GRAMD1B: variants seen among roughly 807,000 people sequenced by gnomAD.
GRAMD1B encodes the protein protein Aster-B.
In GRAMD1B, 37 loss-of-function variants were observed where a neutral mutation model predicts 99.7. That is an observed-to-expected ratio of 0.37 (90% confidence interval 0.29 to 0.49). The LOEUF is 0.49. Ranked by LOEUF, GRAMD1B falls within the 20% of genes least tolerant of loss-of-function variation. GRAMD1B has a pLI of 0.98. For missense variants in GRAMD1B, 888 were observed against 1,009.2 expected, an observed-to-expected ratio of 0.88 and a Z score of 1.63; for synonymous variants, 427 against 387.6, an observed-to-expected ratio of 1.10 and a Z score of -1.19.
rs147704286 is a variant in GRAMD1B at position 123,541,953 on chromosome 11, T to C, written c.453-35414T>C. On this transcript the variant is annotated intron_variant, in intron 2 of 19. Transcript: ENST00000635736. The stretch of plus-strand genomic sequence containing the variant: ...TCAATCATGGAATTAGAGGGGACTT[T>C]GACAGTCATGTCCATTTTCCTAGCA... 1.2e-3 allele frequency among the ~76,000 whole-genome samples: 190 copies of C among 152,336 alleles called. 1 individual carries two copies. Among genetic ancestry groups the C allele is most frequent in the African/African-American group, 4.4e-3 (183 of 41,578 alleles).
At chr11:123,482,515 AAAAG>A (rs1367555614) in intron 2 of GRAMD1B, among the ~76,000 whole-genome samples, 4 of 152,240 alleles carry the variant, frequency 2.6e-5, no homozygotes, top group Admixed American at 6.5e-5. Flanking sequence ...TTTCATGTGA[AAAAG>A]AAAGAATATT....
chr11:123,374,660 A>G (rs557672795), intron 1 of GRAMD1B, among the ~76,000 whole-genome samples: 1 of 152,370 alleles, frequency 6.6e-6, no homozygotes, highest in Admixed American at 6.5e-5. Context: ...TTGCAAAGCA[A>G]TAGACAGCGA....
At chr11:123,557,258 G>A (rs113596084) in intron 2 of GRAMD1B, among the ~76,000 whole-genome samples, 29 of 152,288 alleles carry the variant, frequency 1.9e-4, no homozygotes, top group Non-Finnish European at 1.6e-4. Context: ...CAAGTGAAGC[G>A]CTTCTCATCA....
chr11:123,609,954 A>C (rs750283028), intron 13 of GRAMD1B, 41 bp downstream of exon 13: 1 of 1,161,012 alleles, frequency 8.6e-7, no homozygotes, highest in South Asian at 1.3e-5. Context: ...GAGCTGGAAA[A>C]TCCTGTGTTC....
Position 123,554,525 on chromosome 11 carries a change from C to CAAA in GRAMD1B, c.453-22824_453-22822dup, listed in dbSNP as rs750680684. Among the ~76,000 whole-genome samples, 64 of 86,500 alleles carry CAAA rather than the reference C, an allele frequency of 7.4e-4. 1 individual carries two copies. Among genetic ancestry groups the CAAA allele is most frequent in the African/African-American group, 1.6e-3 (47 of 29,244 alleles). The allele number at this position is 86,500 out of a possible 152,430, so 56.7% of individuals were successfully genotyped here. A position where few individuals can be genotyped will look rare whatever the true frequency, so the allele number is the denominator to read the frequency against. On this transcript the variant is annotated intron_variant, in intron 2 of 19. Coordinates refer to ENST00000635736, the MANE Select transcript of GRAMD1B (RefSeq NM_001387025.1). Reference sequence around the variant, plus strand: ...GCAACATAGGGAGACCCCATCTTTACAAAAAAAAAAAAAAAAAAAAGAAAG... The same window carrying CAAA: ...GCAACATAGGGAGACCCCATCTTTACAAAAAAAAAAAAAAAAAAAAAAAGAAAG...
chr11:123,422,452 C>A (rs185245018), intron 1 of GRAMD1B, among the ~76,000 whole-genome samples: 1 of 152,188 alleles, frequency 6.6e-6, no homozygotes, highest in Non-Finnish European at 1.5e-5. Context: ...ACAGCCTAGT[C>A]GTCTTCAGCT....
chr11:123,596,037 G>A lies in GRAMD1B; in HGVS notation c.969G>A (p.Lys323=). The A allele has an allele frequency of 2.6e-6, 4 of 1,555,900 alleles. No individual in the cohort carries two copies. The highest frequency in any genetic ancestry group is 3.5e-6 in the Non-Finnish European group (4 of 1,132,142). ...NAIQVCTDSE[K]HFFTSFGARD... ...TCCAAGTTTGCACTGATTCAGAAAA[G>A]GTAAGTGGAGTCTAACTCTGGCCTT... The change falls in exon 7 of 20, where the codon AAG becomes AAA. Residue 323 remains lysine, a splice_region_variant and synonymous_variant. Coordinates refer to ENST00000635736, the MANE Select transcript of GRAMD1B (RefSeq NM_001387025.1).
chr11:123,487,263 G>A (rs1937927996), intron 2 of GRAMD1B, among the ~76,000 whole-genome samples: 1 of 152,204 alleles, frequency 6.6e-6, no homozygotes, highest in African/African-American at 2.4e-5. Flanking sequence ...CTACTCTGGG[G>A]TGAGGGCAGG....
At chr11:123,496,888 A>G (rs535371512) in intron 2 of GRAMD1B, among the ~76,000 whole-genome samples, 27 of 152,202 alleles carry the variant, frequency 1.8e-4, no homozygotes, top group Middle Eastern at 3.4e-3. Flanking sequence ...GAATTTCTTC[A>G]AAACAGCTAT....
intron 1 of GRAMD1B, among the ~76,000 whole-genome samples, chr11:123,373,982 T>C (rs1946613624): frequency 6.6e-6 from 1 of 152,248 alleles, no homozygotes; most frequent in Admixed American, 6.5e-5. Context: ...TAGTCATCCA[T>C]GTTAATAGCT....
chr11:123,497,172 G>A (rs1213355208), intron 2 of GRAMD1B, among the ~76,000 whole-genome samples: 2 of 152,186 alleles, frequency 1.3e-5, no homozygotes, highest in Non-Finnish European at 2.9e-5. Flanking sequence ...GTCTACTCAT[G>A]GAGGTGCCAC....
chr11:123,538,255 G>A (rs769438949), intron 2 of GRAMD1B, among the ~76,000 whole-genome samples: 1 of 151,996 alleles, frequency 6.6e-6, no homozygotes, highest in Non-Finnish European at 1.5e-5. Context: ...TCTCCATGTG[G>A]TTCTGTCTTT....
At chr11:123,579,979 C>T (rs1415142651) in intron 3 of GRAMD1B, among the ~76,000 whole-genome samples, 1 of 152,164 alleles carries the variant, frequency 6.6e-6, no homozygotes, top group Non-Finnish European at 1.5e-5. Flanking sequence ...GGTCTCCTTT[C>T]CCCTGGGAGA....
Position 123,431,101 on chromosome 11 carries a change from C to G in GRAMD1B, c.309C>G (p.Arg103=). The G allele has an allele frequency of 1.4e-6, 1 of 703,056 alleles. No homozygotes were observed. Among genetic ancestry groups the G allele is most frequent in the Non-Finnish European group, 2.6e-6 (1 of 385,004 alleles). The allele number at this position is 703,056 out of a possible 1,614,324, so 43.6% of individuals were successfully genotyped here. A position where few individuals can be genotyped will look rare whatever the true frequency, so the allele number is the denominator to read the frequency against. Residue 103 remains arginine, a synonymous_variant, in exon 1 of 20, where the codon CGC becomes CGG. Coordinates refer to ENST00000635736, the MANE Select transcript of GRAMD1B (RefSeq NM_001387025.1). ...SNCSTPSASP[R]RKRFLLRKWL... is the part of the protein sequence containing the mutation. The stretch of plus-strand genomic sequence containing the variant: ...GCTCCACACCCAGCGCGTCCCCGCG[C>G]CGAAAACGCTTCCTCCTCCGCAAGT...
intron 1 of GRAMD1B, among the ~76,000 whole-genome samples, chr11:123,461,068 A>C (rs915913597): frequency 6.6e-6 from 1 of 152,186 alleles, no homozygotes; most frequent in Non-Finnish European, 1.5e-5. Context: ...TGATAGCAAA[A>C]TTAATAGCCA....
chr11:123,389,383 C>CAA (rs1324023950), intron 1 of GRAMD1B, among the ~76,000 whole-genome samples: 7 of 121,124 alleles, frequency 5.8e-5, no homozygotes, highest in Admixed American at 8.7e-5. Flanking sequence ...GAGTCCATGT[C>CAA]AAAAAAAAAA....
chr11:123,565,233 CTTGCTA>C, intron 2 of GRAMD1B, among the ~76,000 whole-genome samples: 1 of 141,044 alleles, frequency 7.1e-6, no homozygotes. Context: ...GGGATGAGGT[CTTGCTA>C]TGTTGCCCAG....
chr11:123,614,001 G>A (rs1268300593), intron 16 of GRAMD1B, among the ~76,000 whole-genome samples: 2 of 152,128 alleles, frequency 1.3e-5, no homozygotes, highest in African/African-American at 2.4e-5. Context: ...TCAGACCACA[G>A]AGATTACCTC....
At chr11:123,369,731 GTGT>G in intron 1 of GRAMD1B, among the ~76,000 whole-genome samples, 1 of 151,624 alleles carries the variant, frequency 6.6e-6, no homozygotes, top group East Asian at 2.0e-4. Flanking sequence ...AATTAGCTGG[GTGT>G]GCTGGTGTGC....
Sources: gnomAD v4.1 joint callset for allele counts (sites outside exome capture counted in the v4.1 genomes callset) on GRCh38, gnomAD v4.1.1 for gene constraint, MANE v1.5 for transcripts, NCBI Gene and HGNC (gene_info 2026-07-23, HGNC 2026-07-21) for gene names.